LAMA4: variants seen among roughly 807,000 people sequenced by gnomAD.
LAMA4 encodes the protein laminin subunit alpha-4.
A neutral mutation model predicts 207.1 loss-of-function variants in LAMA4; 127 were observed. That is an observed-to-expected ratio of 0.61 (90% CI 0.53 to 0.71). LAMA4 has a LOEUF of 0.71. LAMA4 is among the 30% of genes least tolerant of loss of function. The probability of loss-of-function intolerance (pLI) is 0.00; values close to 1 mark genes in which losing one functional copy is unlikely to be tolerated. For missense variants in LAMA4, 2,093 were observed against 2,246.5 expected (o/e 0.93, Z 1.38); for synonymous variants, 761 against 816.0 (o/e 0.93, Z 1.15).
intron 19 of LAMA4, 80 bp from the exon 20 acceptor site, chr6:112,142,372 CAG>C (rs1481644855): frequency 4.6e-6 from 6 of 1,296,460 alleles, no homozygotes; most frequent in Non-Finnish European, 6.7e-6. Flanking sequence ...TCATTCGTGA[CAG>C]GGGCCTATAA....
rs2114601551 is a variant in LAMA4 at position 112,122,219 on chromosome 6, A to G, written c.4288-18T>C. On this transcript the variant is annotated intron_variant, in intron 31 of 38. Coordinates refer to ENST00000230538, the MANE Select transcript of LAMA4 (RefSeq NM_001105206.3). Reference sequence around the variant, plus strand: ...TTCCCTCCCTATAAAAGTAAACCAAATTAAGGGATAAAAGTGACATACTAG... The same window carrying G: ...TTCCCTCCCTATAAAAGTAAACCAAGTTAAGGGATAAAAGTGACATACTAG... 6.2e-7 allele frequency: 1 copy of G among 1,602,110 alleles called. No homozygotes were observed. Among genetic ancestry groups the G allele is most frequent in the Non-Finnish European group, 8.6e-7 (1 of 1,169,582 alleles).
At chr6:112,241,192 AATATATATG>A (rs1434700145) in intron 2 of LAMA4, among the ~76,000 whole-genome samples, 2 of 124,880 alleles carry the variant, frequency 1.6e-5, no homozygotes, top group African/African-American at 2.8e-5. Context: ...AATATATATG[AATATATATG>A]ATATATATGA....
intron 13 of LAMA4, chr6:112,164,017 C>T (rs1028074431): frequency 3.3e-5 from 5 of 152,176 alleles, no homozygotes; most frequent in African/African-American, 9.7e-5. Context: ...AGGGAGTTCT[C>T]TTCTCTTTGT....
chr6:112,159,192 T>C (rs532953273), intron 13 of LAMA4, among the ~76,000 whole-genome samples: 1 of 152,330 alleles, frequency 6.6e-6, no homozygotes, highest in South Asian at 2.1e-4. Flanking sequence ...ACAATACTTT[T>C]CTGCTCTCTT....
intron 2 of LAMA4, among the ~76,000 whole-genome samples, chr6:112,241,170 T>TATATATGAATATATATATGAATATATAG (rs1562102211): frequency 2.6e-5 from 2 of 76,102 alleles, no homozygotes; most frequent in Non-Finnish European, 5.7e-5. Flanking sequence ...TGAATATATA[T>TATATATGAATATATATATGAATATATAG]GAATATATAT....
At chr6:112,242,414 T>C (rs1454073900) in intron 2 of LAMA4, among the ~76,000 whole-genome samples, 1 of 152,238 alleles carries the variant, frequency 6.6e-6, no homozygotes, top group Admixed American at 6.5e-5. Flanking sequence ...CATAATTATA[T>C]CAAACATTTT....
chr6:112,232,379 C>T (rs1161750300), intron 2 of LAMA4, among the ~76,000 whole-genome samples: 1 of 152,182 alleles, frequency 6.6e-6, no homozygotes, highest in African/African-American at 2.4e-5. Context: ...TTCAAAATTG[C>T]TACAGAATTT....
chr6:112,164,817 A>C (rs1183552115), intron 13 of LAMA4, among the ~76,000 whole-genome samples: 1 of 152,216 alleles, frequency 6.6e-6, no homozygotes, highest in Non-Finnish European at 1.5e-5. Flanking sequence ...AACTCTCTGC[A>C]AGAAGTTCCA....
Position 112,119,225 on chromosome 6 carries a change from A to G in LAMA4, c.4752T>C (p.Ala1584=). The G allele has an allele frequency of 6.2e-7, 1 of 1,614,060 alleles. No homozygotes were observed. Among genetic ancestry groups the G allele is most frequent in the African/African-American group, 1.3e-5 (1 of 75,036 alleles). The part of the protein sequence containing the change: ...VLEESLPPTE[A]TWKIKGPIYL... ...AAATGGGACCCTTGATTTTCCAGGT[A>G]GCTTCAGTAGGAGGAAGACTTTCTT... Residue 1584 remains alanine, a synonymous_variant, in exon 34 of 39, where the codon GCT becomes GCC. Transcript: ENST00000230538.
chr6:112,128,516 A>G (rs1554328385), intron 31 of LAMA4, among the ~76,000 whole-genome samples: 4 of 152,156 alleles, frequency 2.6e-5, no homozygotes, highest in Non-Finnish European at 1.5e-5. Context: ...TCTCTATAGT[A>G]TGGTAGAGTG....
At chr6:112,133,613 G>T in intron 26 of LAMA4, 126 bp from the exon 27 acceptor site, 2 of 1,207,984 alleles carry the variant, frequency 1.7e-6, no homozygotes, top group Non-Finnish European at 2.4e-6. Context: ...ATATTCTCAT[G>T]CTTTCTTTGA....
intron 9 of LAMA4, among the ~76,000 whole-genome samples, chr6:112,183,950 CAAAAAAAAAA>C (rs782424211): frequency 3.7e-5 from 3 of 81,734 alleles, no homozygotes; most frequent in Non-Finnish European, 4.8e-5. Flanking sequence ...GACTCCATCT[CAAAAAAAAAA>C]AAAAAAAAAG....
chr6:112,150,772 A>G (rs1780352006), intron 16 of LAMA4, 145 bp from the exon 17 acceptor site: 1 of 707,238 alleles, frequency 1.4e-6, no homozygotes, highest in East Asian at 2.5e-5. Flanking sequence ...TAGATCAACA[A>G]TTCTGGAAAG....
chr6:112,126,727 G>C (rs1778712647), intron 31 of LAMA4, among the ~76,000 whole-genome samples: 1 of 152,302 alleles, frequency 6.6e-6, no homozygotes, highest in African/African-American at 2.4e-5. Context: ...AAGGCAATCA[G>C]TTCTTCCCCT....
intron 23 of LAMA4, 143 bp downstream of exon 23, chr6:112,139,609 G>T: frequency 1.0e-6 from 1 of 997,530 alleles, no homozygotes; most frequent in Non-Finnish European, 1.6e-6. Flanking sequence ...CAGGTGAAGA[G>T]TTTTTTGCAG....
chr6:112,130,729 C>A (rs115704744), intron 29 of LAMA4, among the ~76,000 whole-genome samples: 56 of 152,130 alleles, frequency 3.7e-4, no homozygotes, highest in African/African-American at 1.3e-3. Context: ...AGATTATAAC[C>A]TATTGTTTTA....
intron 9 of LAMA4, 118 bp from the exon 10 acceptor site, chr6:112,178,350 A>T (rs1327139258): frequency 1.3e-6 from 1 of 742,908 alleles, no homozygotes; most frequent in African/African-American, 1.7e-5. Context: ...CTGGCATGTG[A>T]AAGTTCTATA....
chr6:112,158,853 C>G lies in LAMA4; in HGVS notation c.1696G>C (p.Asp566His), dbSNP rs1780882314. ...KNASGIYAEI[D>H]GAKSELQVKL... ...ACTTGTAGTTCACTTTTGGCTCCAT[C>G]TATTTCTGCATAAATCCCTGACGCA... The change falls in exon 14 of 39, where the codon GAT becomes CAT. Residue 566 changes from aspartate to histidine, a missense_variant. Physicochemically the swap from Asp to His is moderately conservative, Grantham distance 81 (BLOSUM62 -1). This residue lies in a region of LAMA4 where 1,704 missense variants were observed against 1,788.4 expected (regional missense o/e 0.95). Coordinates refer to ENST00000230538, the MANE Select transcript of LAMA4 (RefSeq NM_001105206.3). The G allele has an allele frequency of 6.2e-7, 1 of 1,611,964 alleles. No homozygotes were observed. The highest frequency in any genetic ancestry group is 1.3e-5 in the African/African-American group (1 of 74,970).
chr6:112,229,405 C>G (rs1458754332), intron 2 of LAMA4, among the ~76,000 whole-genome samples: 7 of 152,184 alleles, frequency 4.6e-5, no homozygotes, highest in African/African-American at 1.7e-4. Flanking sequence ...CACCCATTAT[C>G]TCCTCCAACA....
Sources: gnomAD v4.1 joint callset for allele counts (sites outside exome capture counted in the v4.1 genomes callset) on GRCh38, gnomAD v4.1.1 for gene constraint, gnomAD v4.1.1 regional missense constraint, MANE v1.5 for transcripts, NCBI Gene and HGNC (gene_info 2026-07-23, HGNC 2026-07-21) for gene names.